TTC19: variants seen among roughly 807,000 people sequenced by gnomAD.
TTC19 encodes the protein tetratricopeptide repeat protein 19, mitochondrial.
A neutral mutation model predicts 49.5 loss-of-function variants in TTC19; 38 were observed. The observed-to-expected ratio is 0.77, with a 90% CI of 0.59 to 1.01. The LOEUF (loss-of-function observed/expected upper bound fraction) is 1.01. Among genes scored for constraint, TTC19 ranks in the 50% least tolerant of loss-of-function variants. The pLI is 0.00. For missense variants in TTC19, 475 were observed against 477.7 expected (o/e 0.99, Z 0.05); for synonymous variants, 204 against 185.2 (o/e 1.10, Z -0.83).
At chr17:16,010,605 G>A (rs1430570191) in intron 7 of TTC19, among the ~76,000 whole-genome samples, 1 of 151,942 alleles carries the variant, frequency 6.6e-6, no homozygotes, top group Non-Finnish European at 1.5e-5. Flanking sequence ...CTCCCGAGTA[G>A]CTGGGACTAC....
chr17:16,043,511 A>C (rs2058112891), intron 2 of TTC19, among the ~76,000 whole-genome samples: 1 of 152,256 alleles, frequency 6.6e-6, no homozygotes, highest in African/African-American at 2.4e-5. Flanking sequence ...AGCTTCAGAG[A>C]ATAGAGACCA....
Position 16,028,723 on chromosome 17 carries a change from A to C in TTC19, c.*1201A>C, listed in dbSNP as rs1971683780. ...GGATGTGAGTGGGACTGATAAACTG[A>C]TACTTTTGGTTCGTATGTACATACT... is the stretch of plus-strand genomic sequence containing the variant. On this transcript the variant is annotated 3_prime_UTR_variant, in exon 10 of 10. Transcript: ENST00000261647. The C allele has an allele frequency of 4.5e-6, 2 of 445,466 alleles. No homozygotes were observed. Among genetic ancestry groups the C allele is most frequent in the African/African-American group, 4.2e-5 (2 of 47,126 alleles). 27.6% of individuals were successfully genotyped at this position (445,466 alleles called of 1,614,324 possible). A position where few individuals can be genotyped will look rare whatever the true frequency, so the allele number is the denominator to read the frequency against.
chr17:16,040,372 T>A, intron 2 of TTC19: 2 of 1,262,380 alleles, frequency 1.6e-6, no homozygotes, highest in Non-Finnish European at 1.2e-6. Context: ...TGGTACTCAG[T>A]ACATATTTGT....
intron 7 of TTC19, among the ~76,000 whole-genome samples, chr17:16,010,578 G>A (rs1008756589): frequency 1.5e-4 from 23 of 151,632 alleles, no homozygotes; most frequent in Admixed American, 8.5e-4. Context: ...CGGTTCAAGC[G>A]ATTCTCCTGC....
chr17:16,010,041 T>A (rs1179970893), intron 7 of TTC19, among the ~76,000 whole-genome samples: 1 of 151,952 alleles, frequency 6.6e-6, no homozygotes, highest in Non-Finnish European at 1.5e-5. Flanking sequence ...TTTTTCTTTT[T>A]AATTTCCAAT....
At chr17:16,031,312 A>C (rs938254506), downstream of TTC19, 6 of 191,384 alleles carry the variant, frequency 3.1e-5, no homozygotes, top group Admixed American at 3.1e-4. Context: ...AACCCAACCA[A>C]TCATATATTC....
rs1408017338 is a variant in TTC19 at position 16,027,869 on chromosome 17, A to G, written c.*347A>G. The G allele has an allele frequency of 2.1e-6, 1 of 468,922 alleles. No individual in the cohort carries two copies. Among genetic ancestry groups the G allele is most frequent in the South Asian group, 1.5e-5 (1 of 64,610 alleles). The allele number at this position is 468,922 out of a possible 1,614,324, so 29.0% of individuals were successfully genotyped here. ...TGTGGTGATTCAGCCTGGCATTTCT[A>G]CCATAAGTTTTTGGTCTGCTGATTT... On this transcript the variant is annotated 3_prime_UTR_variant, in exon 10 of 10. Transcript: ENST00000261647.
In TTC19 at chr17:16,003,900, C is replaced by T. The variant is rs1159144399; in HGVS notation, c.519+13C>T. On this transcript the variant is annotated intron_variant, in intron 5 of 9. Transcript: ENST00000261647. ...GGGCATGAAGCAGGTAAGGACATTG[C>T]CTAGTATTGGCCCCTCACTGAAGCA... is the stretch of plus-strand genomic sequence containing the variant. 1 of 1,613,010 alleles carries T rather than the reference C, an allele frequency of 6.2e-7. No homozygotes were observed. Among genetic ancestry groups the T allele is most frequent in the East Asian group, 2.2e-5 (1 of 44,880 alleles).
chr17:16,041,259 G>C (rs914519142), intron 2 of TTC19: 4 of 152,184 alleles, frequency 2.6e-5, no homozygotes, highest in African/African-American at 9.7e-5. Context: ...CTATAATAAA[G>C]CAGTGTGCCA....
downstream of TTC19, chr17:16,030,577 A>G (rs1040192334): frequency 5.4e-6 from 1 of 185,702 alleles, no homozygotes; most frequent in African/African-American, 2.3e-5. Flanking sequence ...ATATGTTTAC[A>G]TATATCTGTT....
In TTC19 at chr17:16,043,737, C is replaced by T. The variant is rs73981423; in HGVS notation, c.248-766C>T. Among the ~76,000 whole-genome samples, 313 of 152,304 alleles carry T rather than the reference C, an allele frequency of 2.1e-3. 2 individuals carry two copies. Among genetic ancestry groups the T allele is most frequent in the African/African-American group, 7.2e-3 (298 of 41,550 alleles). ...TGGCTGCTCTGAGATCTCTAGCTCT[C>T]CGTGCTCACACAGATTCATCTCTGA... is the stretch of plus-strand genomic sequence containing the variant. On this transcript the variant is annotated intron_variant, in intron 2 of 2. Coordinates refer to the TTC19 transcript ENST00000470649.
At chr17:16,002,260 C>G (rs550725733) in intron 3 of TTC19, among the ~76,000 whole-genome samples, 4 of 152,268 alleles carry the variant, frequency 2.6e-5, no homozygotes, top group Admixed American at 2.0e-4. Flanking sequence ...CTCACTGCAG[C>G]CTCCGCCTCA....
At position 16,003,840 on chromosome 17, in the gene TTC19, CT is replaced by C; in HGVS notation, c.477del (p.Phe159LeufsTer5). ...TTCCTTATGCTTTTAGGCTGAACAACTTTTTAAAGCAACAATGAGTTACCTC... is the reference window on the plus strand; with the variant it reads ...TTCCTTATGCTTTTAGGCTGAACAACTTTTAAAGCAACAATGAGTTACCTC... ...IRGQLENAEQ[L>X]FKATMSYLLG... On this transcript the variant is annotated frameshift_variant, in exon 5 of 10. Transcript: ENST00000261647. LOFTEE classifies it high-confidence loss of function. The C allele has an allele frequency of 6.2e-7, 1 of 1,613,740 alleles. No homozygotes were observed. The highest frequency in any genetic ancestry group is 8.5e-7 in the Non-Finnish European group (1 of 1,179,844).
chr17:16,030,730 C>T (rs1971840412), downstream of TTC19: 1 of 179,232 alleles, frequency 5.6e-6, no homozygotes, highest in South Asian at 2.0e-4. Flanking sequence ...GGCTTATGGC[C>T]TATCTCTGTC....
At chr17:16,023,311 A>G (rs1212932765) in intron 7 of TTC19, 2 of 152,222 alleles carry the variant, frequency 1.3e-5, no homozygotes, top group Non-Finnish European at 2.9e-5. Context: ...AACAAGGGTA[A>G]CAAGTTTCCA....
chr17:16,027,268 A>C, intron 9 of TTC19, 106 bp from the exon 10 acceptor site: 1 of 1,348,234 alleles, frequency 7.4e-7, no homozygotes. Context: ...TCGCTTCATA[A>C]GCACACAGTA....
intron 7 of TTC19, among the ~76,000 whole-genome samples, chr17:16,021,671 A>G (rs1376941588): frequency 6.6e-6 from 1 of 152,178 alleles, no homozygotes; most frequent in South Asian, 2.1e-4. Flanking sequence ...TACAGGTACA[A>G]GACTCTGAGG....
chr17:16,000,485 AG>A (rs1970690836), intron 2 of TTC19: 1 of 1,187,850 alleles, frequency 8.4e-7, no homozygotes, highest in African/African-American at 1.6e-5. Flanking sequence ...ATGGCGCCCT[AG>A]GCATCACGCT....
chr17:16,041,838 G>A (rs1333064664), intron 2 of TTC19, among the ~76,000 whole-genome samples: 2 of 152,048 alleles, frequency 1.3e-5, no homozygotes, highest in East Asian at 1.9e-4. Flanking sequence ...CCAGGTTCAC[G>A]CCACTCTCCT....
Sources: allele counts gnomAD v4.1 joint callset (sites outside exome capture counted in the v4.1 genomes callset), GRCh38; gene constraint gnomAD v4.1.1; transcripts MANE v1.5; gene names NCBI Gene and HGNC (gene_info 2026-07-23, HGNC 2026-07-21).